KDM2B: variants seen among roughly 807,000 people sequenced by gnomAD.
KDM2B encodes the protein lysine-specific demethylase 2B.
A neutral mutation model predicts 150.0 loss-of-function variants in KDM2B; 26 were observed. That is an observed-to-expected ratio of 0.17 (90% CI 0.13 to 0.24). KDM2B has a LOEUF of 0.24. Ranked by LOEUF, KDM2B falls within the 10% of genes least tolerant of loss-of-function variation. The probability of loss-of-function intolerance (pLI) is 1.00; values close to 1 mark genes in which losing one functional copy is unlikely to be tolerated. For missense variants in KDM2B, 1,265 were observed against 1,816.9 expected, an observed-to-expected ratio of 0.70 and a Z score of 5.52; for synonymous variants, 734 against 729.5, an observed-to-expected ratio of 1.01 and a Z score of -0.10.
At chr12:121,581,147 T>C, upstream of KDM2B, 2 of 462,664 alleles carry the variant, frequency 4.3e-6, no homozygotes, top group Non-Finnish European at 3.7e-6. Context: ...GAAACAGAAG[T>C]TGGACATTTT....
chr12:121,471,622 C>T (rs1052104087), intron 12 of KDM2B, among the ~76,000 whole-genome samples: 2 of 152,132 alleles, frequency 1.3e-5, no homozygotes, highest in Non-Finnish European at 2.9e-5. Context: ...GGAGGGCAGA[C>T]TGGGCAGCAG....
chr12:121,564,374 C>T (rs1165990893), intron 4 of KDM2B, among the ~76,000 whole-genome samples: 1 of 152,072 alleles, frequency 6.6e-6, no homozygotes, highest in African/African-American at 2.4e-5. Flanking sequence ...AGGAAAATGG[C>T]GTGAACCCGG....
At chr12:121,508,565 GAGA>G (rs1220528350) in intron 11 of KDM2B, among the ~76,000 whole-genome samples, 6 of 152,110 alleles carry the variant, frequency 3.9e-5, no homozygotes, top group Non-Finnish European at 8.8e-5. Flanking sequence ...TCAGACATTG[GAGA>G]AGGACACCCA....
intron 4 of KDM2B, among the ~76,000 whole-genome samples, chr12:121,568,452 C>T (rs1278955114): frequency 3.3e-5 from 5 of 152,046 alleles, no homozygotes; most frequent in Non-Finnish European, 5.9e-5. Flanking sequence ...AAGAGCGAAA[C>T]TCCATCTCAA....
Position 121,442,584 on chromosome 12 carries a change from C to A in KDM2B, c.2857G>T (p.Glu953Ter). Reference protein sequence around the residue: ...NKELSRELSKELNHEIQRTEN... With the variant: ...NKELSRELSK ...GTCCTCTGGATCTCGTGGTTGAGCT[C>A]CTTGCTCAGCTCCCTGCTCAGCTCC... The change falls in exon 19 of 23, where the codon GAG becomes TAG. Residue 953 changes from glutamate (E) to a stop codon, truncating the protein, a stop_gained. Transcript: ENST00000377071. LOFTEE classifies it high-confidence loss of function. The surrounding 1 kb of genome is among the most constrained non-coding windows in gnomAD (Gnocchi z 7.7). 1 of 1,601,476 alleles carries A rather than the reference C, an allele frequency of 6.2e-7. No individual in the cohort carries two copies. The highest frequency in any genetic ancestry group is 8.5e-7 in the Non-Finnish European group (1 of 1,179,780).
chr12:121,430,772 A>G lies in KDM2B; in HGVS notation c.3830-303T>C, dbSNP rs1462505536. The stretch of plus-strand genomic sequence containing the variant: ...TGCGTATGCTCATGTAAGTAGTTCT[A>G]TGTGCTTTTACAATGATAGGTTCAC... On this transcript the variant is annotated intron_variant, in intron 22 of 22. Transcript: ENST00000377071. This position sits in a 1 kb window ranked among gnomAD's most constrained non-coding sequence, Gnocchi z 4.4. The G allele has an allele frequency of 1.8e-6, 1 of 547,340 alleles. No homozygotes were observed. The allele number at this position is 547,340 out of a possible 1,614,324, so 33.9% of individuals were successfully genotyped here.
At chr12:121,524,118 G>A (rs1483343384) in intron 8 of KDM2B, among the ~76,000 whole-genome samples, 1 of 152,144 alleles carries the variant, frequency 6.6e-6, no homozygotes, top group African/African-American at 2.4e-5. Context: ...GCACAGGCAG[G>A]TGCATCTTAT....
chr12:121,545,257 G>A (rs947063219), intron 6 of KDM2B, among the ~76,000 whole-genome samples: 11 of 151,984 alleles, frequency 7.2e-5, no homozygotes, highest in East Asian at 3.8e-4. Flanking sequence ...CCTTCCTAAC[G>A]AGGTTCGAAT....
chr12:121,457,173 G>C (rs1457709297), intron 12 of KDM2B, among the ~76,000 whole-genome samples: 1 of 152,210 alleles, frequency 6.6e-6, no homozygotes, highest in Non-Finnish European at 1.5e-5. Flanking sequence ...GAGTCTGCCA[G>C]AGCTCTCTCC....
At position 121,442,694 on chromosome 12, in the gene KDM2B, G is replaced by A; in HGVS notation, c.2747C>T (p.Thr916Ile). 1.9e-6 allele frequency: 3 copies of A among 1,598,040 alleles called. No homozygotes were observed. Among genetic ancestry groups the A allele is most frequent in the Non-Finnish European group, 1.7e-6 (2 of 1,172,658 alleles). The stretch of plus-strand genomic sequence containing the variant: ...GGCCCCTTCGGTGCTGGGTCCCGCG[G>A]TGGGGGAGCTGGAGCGGGAGTGGTC... ...ESDHSRSSSP[T>I]AGPSTEGAEG... The change falls in exon 19 of 23, where the codon ACC becomes ATC. Residue 916 changes from threonine (T) to isoleucine (I), a missense_variant. By Grantham distance (89) the Thr-to-Ile change is moderately conservative. Transcript: ENST00000377071. The surrounding 1 kb of genome is among the most constrained non-coding windows in gnomAD (Gnocchi z 7.7).
chr12:121,510,140 C>T (rs1458810146), intron 10 of KDM2B, 101 bp from the exon 11 acceptor site: 2 of 1,032,166 alleles, frequency 1.9e-6, no homozygotes, highest in Non-Finnish European at 2.8e-6. Context: ...CTCCAGAGAT[C>T]CAGCTTCTCT....
rs373328683 is a variant in KDM2B at position 121,444,092 on chromosome 12, G to A, written c.2371C>T (p.Leu791=). 15 of 1,613,846 alleles carry A rather than the reference G, an allele frequency of 9.3e-6. No homozygotes were observed. Among genetic ancestry groups the A allele is most frequent in the Non-Finnish European group, 1.2e-5 (14 of 1,180,046 alleles). Residue 791 remains leucine, a synonymous_variant, in exon 16 of 23, where the codon CTG becomes TTG. Coordinates refer to ENST00000377071, the MANE Select transcript of KDM2B (RefSeq NM_032590.5). ...TGCACGTCGTCAGACTTTCTGCGCA[G>A]AAGGCCGTCCGGCGGCACCTTCTTC... ...HSKKVPPDGL[L]RRKSDDVHLR...
At chr12:121,439,331 G>A (rs1290446907) in intron 22 of KDM2B, among the ~76,000 whole-genome samples, 1 of 151,474 alleles carries the variant, frequency 6.6e-6, no homozygotes, top group Non-Finnish European at 1.5e-5. Context: ...TGTGGCTGCT[G>A]CTAACTGGCA....
chr12:121,516,551 A>C, intron 9 of KDM2B: 4 of 1,448,720 alleles, frequency 2.8e-6, no homozygotes, highest in Non-Finnish European at 3.6e-6. Context: ...GTTGCTCAAC[A>C]TTATTTGTTG....
intron 21 of KDM2B, 59 bp downstream of exon 21, chr12:121,440,757 A>G: frequency 6.8e-7 from 1 of 1,480,798 alleles, no homozygotes. Context: ...GTAAAAGCAG[A>G]TCCAACAGTC....
At chr12:121,500,878 A>C (rs1555301825) in intron 11 of KDM2B, among the ~76,000 whole-genome samples, 1 of 152,200 alleles carries the variant, frequency 6.6e-6, no homozygotes, top group East Asian at 1.9e-4. Context: ...AGGCGGGCGG[A>C]TCACTTGAGG....
chr12:121,529,455 C>A (rs775000076), intron 8 of KDM2B, among the ~76,000 whole-genome samples: 1 of 152,072 alleles, frequency 6.6e-6, no homozygotes, highest in Non-Finnish European at 1.5e-5. Context: ...TGCCAGAATT[C>A]AATTCTCTGC....
intron 6 of KDM2B, among the ~76,000 whole-genome samples, chr12:121,542,874 A>G (rs953388016): frequency 2.6e-5 from 4 of 152,180 alleles, no homozygotes; most frequent in Non-Finnish European, 5.9e-5. Flanking sequence ...ATGCTCCACG[A>G]GAATGGGGAC....
intron 4 of KDM2B, among the ~76,000 whole-genome samples, chr12:121,560,669 G>A (rs1890268480): frequency 2.0e-5 from 3 of 152,012 alleles, no homozygotes; most frequent in Admixed American, 2.0e-4. Context: ...AGAGACGGGG[G>A]CCGCCAGTCC....
Sources: gnomAD v4.1 joint callset for allele counts (sites outside exome capture counted in the v4.1 genomes callset) on GRCh38, gnomAD v4.1.1 for gene constraint, Gnocchi (gnomAD v3.1) non-coding constraint, MANE v1.5 for transcripts, NCBI Gene and HGNC (gene_info 2026-07-23, HGNC 2026-07-21) for gene names.